The following TRNT1 variants were observed in gnomAD, a reference collection of about 807,000 sequenced individuals.
The protein encoded by TRNT1 is tRNA nucleotidyl transferase 1.
Under a neutral mutation model 45.6 loss-of-function variants are expected in TRNT1, and 44 were observed. The observed-to-expected ratio is 0.97, with a 90% CI of 0.76 to 1.24. The LOEUF (loss-of-function observed/expected upper bound fraction) is 1.24. Ranked by LOEUF, TRNT1 falls within the 50% of genes most tolerant of loss-of-function variation. TRNT1 has a pLI of 0.00. For missense variants in TRNT1, 633 were observed against 504.4 expected (o/e 1.25, Z -2.44); for synonymous variants, 201 against 171.4 (o/e 1.17, Z -1.35).
At chr3:3,130,168 G>C in intron 2 of TRNT1, 1 of 589,854 alleles carries the variant, frequency 1.7e-6, no homozygotes, top group East Asian at 2.9e-5. Flanking sequence ...ATATTTAGTA[G>C]TATATGTAGA....
chr3:3,130,218 C>T (rs924859010), intron 2 of TRNT1: 4 of 437,150 alleles, frequency 9.2e-6, no homozygotes, highest in Non-Finnish European at 1.6e-5. Context: ...TTAGATTCAC[C>T]TGGGGAGCTT....
intron 2 of TRNT1, among the ~76,000 whole-genome samples, chr3:3,135,126 A>T (rs1705246422): frequency 6.6e-6 from 1 of 152,118 alleles, no homozygotes; most frequent in Non-Finnish European, 1.5e-5. Flanking sequence ...AATTTTGGTG[A>T]CTGCTATGTG....
chr3:3,153,318 G>A (rs966469786), downstream of TRNT1: 1 of 715,810 alleles, frequency 1.4e-6, no homozygotes, highest in Admixed American at 2.2e-5. Context: ...TTTGCTAAAT[G>A]TTTGTAACTT....
downstream of TRNT1, chr3:3,150,837 T>C: frequency 6.4e-7 from 1 of 1,559,408 alleles, no homozygotes; most frequent in Non-Finnish European, 8.7e-7. Flanking sequence ...ACCAATTTGT[T>C]AGATAACTTT....
downstream of TRNT1, among the ~76,000 whole-genome samples, chr3:3,151,464 A>G (rs1345177537): frequency 6.6e-6 from 1 of 151,344 alleles, no homozygotes; most frequent in Non-Finnish European, 1.5e-5. Context: ...GTTAAACTGG[A>G]TGGGCCAGGA....
In TRNT1 at chr3:3,147,933, G is replaced by T. The variant is rs769740155; in HGVS notation, c.1084G>T (p.Val362Leu). The T allele has an allele frequency of 2.5e-6, 4 of 1,613,736 alleles. No homozygotes were observed. The highest frequency in any genetic ancestry group is 3.4e-6 in the Non-Finnish European group (4 of 1,179,770). ...DSREPDATTRVCELLKYQGEH... is the reference protein window; with the variant it reads ...DSREPDATTRLCELLKYQGEH... ...TAGGGAACCTGATGCAACTACTCGT[G>T]TATGTGAACTACTGAAGTACCAAGG... Residue 362 changes from valine (V) to leucine (L), a missense_variant, in exon 8 of 8, where the codon GTA (valine) becomes TTA (leucine). By Grantham distance (32) the Val-to-Leu change is conservative. Coordinates refer to ENST00000251607, the MANE Select transcript of TRNT1 (RefSeq NM_182916.3).
chr3:3,131,156 A>T (rs964972212), intron 2 of TRNT1: 1 of 152,206 alleles, frequency 6.6e-6, no homozygotes, highest in Non-Finnish European at 1.5e-5. Flanking sequence ...TTAATACAGC[A>T]CATCTGAATT....
chr3:3,129,375 C>T (rs977790608), intron 2 of TRNT1, 187 bp downstream of exon 2: 31 of 556,084 alleles, frequency 5.6e-5, no homozygotes, highest in African/African-American at 5.3e-4. Context: ...ACTCCTTGGC[C>T]TCCCAAAATG....
In TRNT1 at chr3:3,137,464, AG is replaced by A; in HGVS notation, c.342+12del. 6.3e-7 allele frequency: 1 copy of A among 1,588,794 alleles called. No homozygotes were observed. Among genetic ancestry groups the A allele is most frequent in the Non-Finnish European group, 8.5e-7 (1 of 1,169,716 alleles). On this transcript the variant is annotated intron_variant, in intron 3 of 7. Coordinates refer to ENST00000251607, the MANE Select transcript of TRNT1 (RefSeq NM_182916.3). ...ACAATTACTGCCAGGGTGAGTCAAA[AG>A]TTTGACAGGTAATTACATTGCTTTT...
chr3:3,140,533 T>C lies in TRNT1; in HGVS notation c.366T>C (p.Ile122=), dbSNP rs1705579421. Residue 122 remains isoleucine, a synonymous_variant, in exon 4 of 8, where the codon ATT becomes ATC. Coordinates refer to ENST00000251607, the MANE Select transcript of TRNT1 (RefSeq NM_182916.3). ...AGCTTCATGAAGAAAATTTTGAGAT[T>C]ACTACACTACGGATTGATGTCACCA... is the stretch of plus-strand genomic sequence containing the variant. ...TARLHEENFE[I]TTLRIDVTTD... is the part of the protein sequence containing the mutation. 1 of 1,613,506 alleles carries C rather than the reference T, an allele frequency of 6.2e-7. No homozygotes were observed. Among genetic ancestry groups the C allele is most frequent in the Non-Finnish European group, 8.5e-7 (1 of 1,179,788 alleles).
intron 5 of TRNT1, chr3:3,145,518 A>C (rs1324137806): frequency 6.6e-6 from 1 of 152,158 alleles, no homozygotes; most frequent in East Asian, 1.9e-4. Context: ...AAAAAAAAAA[A>C]AAAAAGAAGA....
chr3:3,135,101 C>T (rs1015906224), intron 2 of TRNT1, among the ~76,000 whole-genome samples: 5 of 152,054 alleles, frequency 3.3e-5, no homozygotes, highest in African/African-American at 9.7e-5. Flanking sequence ...CTTTTGTTTG[C>T]CATGTAGACA....
downstream of TRNT1, chr3:3,150,932 G>T: frequency 2.5e-6 from 4 of 1,613,988 alleles, no homozygotes; most frequent in Non-Finnish European, 3.4e-6. Context: ...GGGCAACAGA[G>T]CAGATCGCGT....
At chr3:3,152,932 C>T, downstream of TRNT1, 1 of 323,094 alleles carries the variant, frequency 3.1e-6, no homozygotes, top group Non-Finnish European at 5.8e-6. Flanking sequence ...CCTGTGTGGT[C>T]ATTTTGGGGC....
intron 2 of TRNT1, among the ~76,000 whole-genome samples, chr3:3,136,460 C>T (rs1288282066): frequency 6.6e-6 from 1 of 152,100 alleles, no homozygotes; most frequent in Non-Finnish European, 1.5e-5. Flanking sequence ...TATATACAGA[C>T]CATTTCTTGA....
At position 3,148,108 on chromosome 3, in the gene TRNT1, A is replaced by G; in HGVS notation, c.1259A>G (p.Tyr420Cys). Residue 420 changes from tyrosine to cysteine, a missense_variant, in exon 8 of 8, where the codon TAC becomes TGC. Coordinates refer to ENST00000251607, the MANE Select transcript of TRNT1 (RefSeq NM_182916.3). ...CGAGAACAGTGGAAAAAAAGTGGTT[A>G]CCAAATGGAAAAAGATGAACTTCTG... ...QLREQWKKSG[Y>C]QMEKDELLSY... The G allele has an allele frequency of 6.2e-7, 1 of 1,613,826 alleles. No individual in the cohort carries two copies. Among genetic ancestry groups the G allele is most frequent in the Middle Eastern group, 1.7e-4 (1 of 6,048 alleles).
At chr3:3,127,776 C>G (rs150635272) in intron 1 of TRNT1, 1 of 152,192 alleles carries the variant, frequency 6.6e-6, no homozygotes, top group South Asian at 2.1e-4. Context: ...CTCATACTGC[C>G]TGAAGCCCTG....
At chr3:3,128,957 TCCTTCACTTA>T (rs1704802440) in intron 1 of TRNT1, 47 bp from the exon 2 acceptor site, 9 of 1,316,628 alleles carry the variant, frequency 6.8e-6, no homozygotes, top group Non-Finnish European at 9.3e-6. Flanking sequence ...CCCTTTGTTT[TCCTTCACTTA>T]CCTTCACTTT....
chr3:3,137,755 C>T (rs1705415446), intron 3 of TRNT1, among the ~76,000 whole-genome samples: 1 of 152,158 alleles, frequency 6.6e-6, no homozygotes, highest in African/African-American at 2.4e-5. Context: ...TCTTACCACA[C>T]CCTTCTCAAC....
Sources: gnomAD v4.1 joint callset for allele counts (sites outside exome capture counted in the v4.1 genomes callset) on GRCh38, gnomAD v4.1.1 for gene constraint, MANE v1.5 for transcripts, NCBI Gene and HGNC (gene_info 2026-07-23, HGNC 2026-07-21) for gene names.